The following SPRED1 variants were observed in gnomAD, a reference collection of about 807,000 sequenced individuals.
The protein encoded by SPRED1 is sprouty-related, EVH1 domain-containing protein 1.
Under a neutral mutation model 52.3 loss-of-function variants are expected in SPRED1, and 18 were observed. That is an observed-to-expected ratio of 0.34 (90% CI 0.24 to 0.51). The LOEUF (loss-of-function observed/expected upper bound fraction) is 0.51, where lower values mean the gene tolerates loss of function less well. Among genes scored for constraint, SPRED1 ranks in the 20% least tolerant of loss-of-function variants. SPRED1 has a pLI of 0.97. For synonymous variants in SPRED1, 155 were observed against 179.7 expected (o/e 0.86, Z 1.10); for missense variants, 485 against 551.0 (o/e 0.88, Z 1.20).
At chr15:38,281,757 T>C (rs766330328) in intron 1 of SPRED1, among the ~76,000 whole-genome samples, 11 of 151,998 alleles carry the variant, frequency 7.2e-5, no homozygotes, top group Non-Finnish European at 1.5e-4. Context: ...CTTTGAGAAA[T>C]GTACATTTTT....
At chr15:38,293,057 A>T (rs1410404767) in intron 1 of SPRED1, among the ~76,000 whole-genome samples, 1 of 149,618 alleles carries the variant, frequency 6.7e-6, no homozygotes, top group South Asian at 2.1e-4. Context: ...TAGACCAGGA[A>T]TAGGGATATA....
In SPRED1 at chr15:38,274,247, C is replaced by T. The variant is rs578222779; in HGVS notation, c.32+21030C>T. ...ATACCCTTGGTTTAGAACCAAAATTCTACATGTAGGACCAGTTAACAATTT... is the reference window on the plus strand; with the variant it reads ...ATACCCTTGGTTTAGAACCAAAATTTTACATGTAGGACCAGTTAACAATTT... On this transcript the variant is annotated intron_variant, in intron 1 of 6. Coordinates refer to ENST00000299084, the MANE Select transcript of SPRED1 (RefSeq NM_152594.3). 5.3e-5 allele frequency among the ~76,000 whole-genome samples: 8 copies of T among 152,288 alleles called. No homozygotes were observed. In the South Asian group the frequency reaches 1.7e-3, roughly 32 times the overall value.
chr15:38,343,817 C>G (rs1161349892), intron 5 of SPRED1, among the ~76,000 whole-genome samples: 1 of 152,022 alleles, frequency 6.6e-6, no homozygotes, highest in Non-Finnish European at 1.5e-5. Flanking sequence ...AAGTGCTTTA[C>G]TTATATAACT....
intron 4 of SPRED1, among the ~76,000 whole-genome samples, chr15:38,339,469 T>C (rs1393623496): frequency 6.6e-6 from 1 of 152,210 alleles, no homozygotes; most frequent in Non-Finnish European, 1.5e-5. Flanking sequence ...CTCTTCTACA[T>C]GACATGGTTA....
intron 1 of SPRED1, among the ~76,000 whole-genome samples, chr15:38,256,322 T>A (rs2140945648): frequency 6.6e-6 from 1 of 152,258 alleles, no homozygotes; most frequent in East Asian, 1.9e-4. Context: ...GTCAAATGTT[T>A]CCGATAGATA....
At chr15:38,339,612 C>A in intron 4 of SPRED1, 125 bp from the exon 5 acceptor site, 3 of 924,976 alleles carry the variant, frequency 3.2e-6, no homozygotes, top group Non-Finnish European at 5.2e-6. Flanking sequence ...AATTGCTATT[C>A]ATAGCGATGG....
chr15:38,284,923 G>A (rs1487582314), intron 1 of SPRED1, among the ~76,000 whole-genome samples: 7 of 151,514 alleles, frequency 4.6e-5, no homozygotes, highest in Admixed American at 4.6e-4. Context: ...AGTTTTGGTG[G>A]GATCTAGGAA....
chr15:38,340,425 A>C (rs769004627), intron 5 of SPRED1, among the ~76,000 whole-genome samples: 3 of 152,206 alleles, frequency 2.0e-5, no homozygotes, highest in Middle Eastern at 3.2e-3. Flanking sequence ...ATACATACAT[A>C]TATGTATACA....
Position 38,252,905 on chromosome 15 carries a change from T to C in SPRED1, c.-281T>C. 1.8e-6 allele frequency: 1 copy of C among 550,002 alleles called. No homozygotes were observed. The highest frequency in any genetic ancestry group is 2.0e-5 in the South Asian group (1 of 49,396). 34.1% of individuals were successfully genotyped at this position (550,002 alleles called of 1,614,324 possible). A position where few individuals can be genotyped will look rare whatever the true frequency, so the allele number is the denominator to read the frequency against. On this transcript the variant is annotated 5_prime_UTR_variant, in exon 1 of 7. Coordinates refer to ENST00000299084, the MANE Select transcript of SPRED1 (RefSeq NM_152594.3). ...CCTTTGCAGCCCCTCTCTTTTTCCC[T>C]TTCCACCGGGCCTCCTCGGATCCCT... is the stretch of plus-strand genomic sequence containing the variant.
intron 2 of SPRED1, among the ~76,000 whole-genome samples, chr15:38,307,359 G>GGAA (rs1466710551): frequency 6.6e-6 from 1 of 152,124 alleles, no homozygotes; most frequent in East Asian, 1.9e-4. Context: ...ATGGAAGGTG[G>GGAA]GAAGTCCAAG....
chr15:38,349,398 A>G lies in SPRED1; in HGVS notation c.583-24A>G, dbSNP rs1386347927. 2.0e-6 allele frequency: 3 copies of G among 1,535,032 alleles called. No individual in the cohort carries two copies. The African/African-American group carries it at 4.1e-5, about 21-fold the overall frequency. Reference sequence around the variant, plus strand: ...TAAAAGTAAAATTCTTGTGTCATTTAAGTAGAAATTGTTTGTATTTTAGAT... The same window carrying G: ...TAAAAGTAAAATTCTTGTGTCATTTGAGTAGAAATTGTTTGTATTTTAGAT... On this transcript the variant is annotated intron_variant, in intron 5 of 6. Transcript: ENST00000299084.
At chr15:38,265,599 GACAA>G (rs1014383928) in intron 1 of SPRED1, among the ~76,000 whole-genome samples, 10 of 151,464 alleles carry the variant, frequency 6.6e-5, no homozygotes, top group Admixed American at 2.0e-4. Flanking sequence ...AGGTTAATAA[GACAA>G]ACAACTAGCT....
intron 2 of SPRED1, among the ~76,000 whole-genome samples, chr15:38,315,187 A>G (rs1234990629): frequency 3.3e-5 from 5 of 151,898 alleles, no homozygotes; most frequent in African/African-American, 9.7e-5. Context: ...TGAATTTGGA[A>G]TTATTATTTT....
chr15:38,307,728 A>G (rs1195085306), intron 2 of SPRED1, among the ~76,000 whole-genome samples: 1 of 152,156 alleles, frequency 6.6e-6, no homozygotes, highest in Non-Finnish European at 1.5e-5. Flanking sequence ...AATTATGGTA[A>G]CTTTAATAAG....
At chr15:38,343,896 G>A (rs1896078854) in intron 5 of SPRED1, among the ~76,000 whole-genome samples, 2 of 151,986 alleles carry the variant, frequency 1.3e-5, no homozygotes, top group Admixed American at 6.6e-5. Flanking sequence ...TGTAGTTTAT[G>A]TATGTTATCC....
intron 5 of SPRED1, among the ~76,000 whole-genome samples, chr15:38,347,588 T>C (rs1374143001): frequency 6.6e-6 from 1 of 151,898 alleles, no homozygotes; most frequent in African/African-American, 2.4e-5. Flanking sequence ...ATGTGTGTGT[T>C]AGTTTAGGGG....
chr15:38,253,280 C>T (rs991374608), intron 1 of SPRED1, 63 bp downstream of exon 1: 6 of 1,501,712 alleles, frequency 4.0e-6, no homozygotes, highest in East Asian at 4.9e-5. Context: ...GGCTCTCCCC[C>T]AGACCCATCC....
At chr15:38,316,198 A>G (rs1895476878) in intron 2 of SPRED1, among the ~76,000 whole-genome samples, 1 of 151,990 alleles carries the variant, frequency 6.6e-6, no homozygotes, top group Non-Finnish European at 1.5e-5. Context: ...AGTATAAGGA[A>G]ACCGTTTGTT....
At chr15:38,288,041 A>G (rs10520056) in intron 1 of SPRED1, among the ~76,000 whole-genome samples, 13,794 of 152,132 alleles carry the variant, frequency 0.091, 750 homozygotes, top group East Asian at 0.21. Context: ...ATGATACACA[A>G]CTGAGAAAAG....
Sources: gnomAD v4.1 joint callset for allele counts (sites outside exome capture counted in the v4.1 genomes callset) on GRCh38, gnomAD v4.1.1 for gene constraint, MANE v1.5 for transcripts, NCBI Gene and HGNC (gene_info 2026-07-23, HGNC 2026-07-21) for gene names.